The following PDE4DIP variants were observed in gnomAD, a reference collection of about 807,000 sequenced individuals.
PDE4DIP encodes the protein myomegalin.
Under a neutral mutation model 221.4 loss-of-function variants are expected in PDE4DIP, and 59 were observed. The ratio of observed to expected loss-of-function variants is 0.27; its 90% CI spans 0.22 to 0.33. The LOEUF is 0.33. Ranked by LOEUF, PDE4DIP falls within the 10% of genes least tolerant of loss-of-function variation. The pLI, the probability that PDE4DIP is intolerant of heterozygous loss-of-function variation, is 1.00. For missense variants in PDE4DIP, 1,036 were observed against 2,154.2 expected, an observed-to-expected ratio of 0.48 and a Z score of 10.28; for synonymous variants, 404 against 815.9, an observed-to-expected ratio of 0.50 and a Z score of 8.60.
At chr1:148,982,001 T>C (rs1385923665) in intron 21 of PDE4DIP, 1 of 155,570 alleles carries the variant, frequency 6.4e-6, no homozygotes, top group Non-Finnish European at 1.4e-5. Context: ...AGAGTAGTCT[T>C]GTAATAGTAG....
chr1:148,952,263 C>T (rs2053575324), intron 5 of PDE4DIP: 1 of 987,558 alleles, frequency 1.0e-6, no homozygotes, highest in African/African-American at 1.7e-5. Flanking sequence ...GCGAGGGTCG[C>T]GCTGGCTACC....
chr1:149,008,373 TC>T, intron 28 of PDE4DIP, 70 bp from the exon 32 acceptor site: 2 of 153,218 alleles, frequency 1.3e-5, no homozygotes, highest in South Asian at 1.5e-4. Flanking sequence ...CCAGATAGGC[TC>T]CTGCATTTGT....
At chr1:149,029,556 G>T (rs1553633963) in intron 41 of PDE4DIP, among the ~76,000 whole-genome samples, 1 of 152,280 alleles carries the variant, frequency 6.6e-6, no homozygotes, top group African/African-American at 2.4e-5. Flanking sequence ...AGCTACAGGT[G>T]TGTAGGCCTG....
intron 21 of PDE4DIP, chr1:148,983,611 CAG>C (rs2061454265): frequency 6.6e-6 from 1 of 152,428 alleles, no homozygotes. Flanking sequence ...ATAATCCACA[CAG>C]AGATCATGCT....
chr1:148,948,244 G>A (rs1257802209), intron 5 of PDE4DIP, among the ~76,000 whole-genome samples: 1 of 151,810 alleles, frequency 6.6e-6, no homozygotes, highest in Non-Finnish European at 1.5e-5. Context: ...TTTTCGTTAT[G>A]TGCCTTCACT....
At chr1:149,020,304 G>A (rs144937686) in exon 36 of PDE4DIP, 32 of 522,820 alleles carry the variant, frequency 6.1e-5, no homozygotes, top group Non-Finnish European at 9.6e-5. Flanking sequence ...ATTTCAGGGA[G>A]GAACGTCTTT....
At chr1:148,948,043 GA>G (rs2052241555) in intron 5 of PDE4DIP, among the ~76,000 whole-genome samples, 1 of 148,376 alleles carries the variant, frequency 6.7e-6, no homozygotes, top group Non-Finnish European at 1.5e-5. Flanking sequence ...GCTTAAGTTT[GA>G]AAACTGCTGT....
chr1:149,009,391 A>G lies in PDE4DIP; in HGVS notation c.4704-177A>G, dbSNP rs2067913026. The G allele has an allele frequency of 5.1e-6, 3 of 592,972 alleles. No individual in the cohort carries two copies. The South Asian group carries it at 6.0e-5, about 12-fold the overall frequency. 36.7% of individuals were successfully genotyped at this position (592,972 alleles called of 1,614,324 possible). A position where few individuals can be genotyped will look rare whatever the true frequency, so the allele number is the denominator to read the frequency against. On this transcript the variant is annotated intron_variant, in intron 29 of 43. Coordinates refer to ENST00000369354, the Ensembl canonical transcript of PDE4DIP. The stretch of plus-strand genomic sequence containing the variant: ...TATGTGGCCAGAGCACTAGGTAGCT[A>G]TTCTCTCTCCATCTACACCCCACCT...
At chr1:148,934,332 C>A (rs1228037543) in intron 4 of PDE4DIP, among the ~76,000 whole-genome samples, 1 of 151,770 alleles carries the variant, frequency 6.6e-6, no homozygotes, top group East Asian at 1.9e-4. Flanking sequence ...AAAAACTGAA[C>A]TAAAAACCAA....
chr1:148,980,429 G>T (rs185497538), intron 20 of PDE4DIP, among the ~76,000 whole-genome samples: 67 of 152,272 alleles, frequency 4.4e-4, no homozygotes, highest in African/African-American at 1.5e-3. Flanking sequence ...AATGGGCACT[G>T]ATATTCATTT....
intron 37 of PDE4DIP, among the ~76,000 whole-genome samples, chr1:149,023,443 A>G (rs2073773268): frequency 6.8e-6 from 1 of 147,738 alleles, no homozygotes; most frequent in Admixed American, 6.8e-5. Flanking sequence ...TAAGGTTTTC[A>G]GATAAGGGAT....
intron 1 of PDE4DIP, among the ~76,000 whole-genome samples, chr1:148,822,599 C>T (rs1211333962): frequency 2.0e-5 from 3 of 150,396 alleles, no homozygotes; most frequent in Non-Finnish European, 4.5e-5. Context: ...AGACCACTGC[C>T]CTAGGACACT....
intron 5 of PDE4DIP, chr1:148,952,083 C>G: frequency 9.8e-7 from 1 of 1,016,454 alleles, no homozygotes; most frequent in Non-Finnish European, 1.2e-6. Flanking sequence ...CGTCTTTCTC[C>G]TCCCCGCGAG....
intron 22 of PDE4DIP, among the ~76,000 whole-genome samples, chr1:148,997,722 T>C (rs1234984282): frequency 1.3e-5 from 2 of 151,180 alleles, no homozygotes; most frequent in African/African-American, 2.4e-5. Context: ...TAAGCCATCA[T>C]CTCCCGCCAT....
At chr1:149,016,166 C>G (rs2070475663) in intron 32 of PDE4DIP, 133 bp from the exon 36 acceptor site, 1 of 578,572 alleles carries the variant, frequency 1.7e-6, no homozygotes, top group Non-Finnish European at 3.1e-6. Flanking sequence ...AATTAGTATA[C>G]CAAAGTGAAC....
intron 1 of PDE4DIP, among the ~76,000 whole-genome samples, chr1:148,828,681 G>C (rs1298793413): frequency 6.6e-6 from 1 of 150,748 alleles, no homozygotes; most frequent in Admixed American, 6.6e-5. Flanking sequence ...CCCCTTTCCA[G>C]AAATTTACAT....
chr1:149,032,207 G>A (rs78034674), exon 44 of PDE4DIP: 136 of 781,928 alleles, frequency 1.7e-4, no homozygotes, highest in African/African-American at 1.4e-3. Flanking sequence ...TATGGAATAC[G>A]ATTAGCCAAG....
At chr1:148,981,439 T>C (rs1553543059) in intron 21 of PDE4DIP, 42 bp downstream of exon 24, 2 of 1,612,562 alleles carry the variant, frequency 1.2e-6, no homozygotes. Flanking sequence ...CAAGCATGCC[T>C]ACTGAGCACT....
chr1:148,951,652 C>G (rs1471924334), intron 5 of PDE4DIP, among the ~76,000 whole-genome samples: 1 of 151,774 alleles, frequency 6.6e-6, no homozygotes, highest in Non-Finnish European at 1.5e-5. Flanking sequence ...TCGCGGCTGG[C>G]TGCATCCTTA....
Sources: allele counts gnomAD v4.1 joint callset (sites outside exome capture counted in the v4.1 genomes callset), GRCh38; gene constraint gnomAD v4.1.1; transcripts MANE v1.5; gene names NCBI Gene and HGNC (gene_info 2026-07-23, HGNC 2026-07-21).